Variants in FRMD5 observed in about 807,000 individuals in gnomAD.
FRMD5 encodes FERM domain-containing protein 5.
A neutral mutation model predicts 69.0 loss-of-function variants in FRMD5; 20 were observed. The ratio of observed to expected loss-of-function variants is 0.29; its 90% confidence interval spans 0.20 to 0.42. The LOEUF is 0.42. Ranked by LOEUF, FRMD5 falls within the 10% of genes least tolerant of loss-of-function variation. The pLI, the probability that FRMD5 is intolerant of heterozygous loss-of-function variation, is 1.00. For missense variants in FRMD5, 595 were observed against 708.6 expected (o/e 0.84, Z 1.82); for synonymous variants, 271 against 260.1 (o/e 1.04, Z -0.40).
chr15:43,884,193 A>C (rs1036709639), intron 12 of FRMD5, among the ~76,000 whole-genome samples: 5 of 152,172 alleles, frequency 3.3e-5, no homozygotes, highest in African/African-American at 4.8e-5. Context: ...ACAGGGCTCC[A>C]TGTGAAGGGG....
rs1018973091 is a variant in FRMD5 at position 44,133,191 on chromosome 15, C to T, written c.102+61762G>A. Among the ~76,000 whole-genome samples the T allele has an allele frequency of 2.3e-4, 33 of 142,346 alleles. 1 individual carries two copies. Among genetic ancestry groups the T allele is most frequent in the African/African-American group, 7.1e-4 (27 of 38,002 alleles). 93.4% of individuals were successfully genotyped at this position (142,346 alleles called of 152,430 possible). ...ATCGCGCCACTGCACTCCAGCCTGG[C>T]GACACTGCGAGACTCCGTCTCAAAA... On this transcript the variant is annotated intron_variant, in intron 1 of 13. Transcript: ENST00000417257.
rs1420995597 is a variant in FRMD5 at position 43,951,391 on chromosome 15, C to T, written c.103-27082G>A. On this transcript the variant is annotated intron_variant, in intron 1 of 13. Coordinates refer to ENST00000417257, the MANE Select transcript of FRMD5 (RefSeq NM_032892.5). ...GAGCCAAGATCGCGCCACTGCACTC[C>T]AGCCTGGGCCACAGGGTGAGACTCC... is the stretch of plus-strand genomic sequence containing the variant. 6.1e-5 allele frequency among the ~76,000 whole-genome samples: 9 copies of T among 147,094 alleles called. No homozygotes were observed. The South Asian group carries it at 6.4e-4, about 10-fold the overall frequency.
At chr15:44,111,944 C>T (rs890650467) in intron 1 of FRMD5, among the ~76,000 whole-genome samples, 2 of 151,572 alleles carry the variant, frequency 1.3e-5, no homozygotes, top group East Asian at 1.9e-4. Flanking sequence ...CCCGGGTTCA[C>T]GCCATTCTCC....
chr15:44,119,387 C>T (rs1190763364), intron 1 of FRMD5, among the ~76,000 whole-genome samples: 2 of 152,156 alleles, frequency 1.3e-5, no homozygotes, highest in Non-Finnish European at 2.9e-5. Flanking sequence ...CTACTGACTT[C>T]GAGACGTACA....
At chr15:44,024,525 T>C (rs1367402909) in intron 1 of FRMD5, among the ~76,000 whole-genome samples, 2 of 152,248 alleles carry the variant, frequency 1.3e-5, no homozygotes, top group Non-Finnish European at 1.5e-5. Flanking sequence ...TTTTAACTTA[T>C]ATTTCCCTAA....
At chr15:44,182,940 C>T (rs966265239) in intron 1 of FRMD5, among the ~76,000 whole-genome samples, 1 of 151,880 alleles carries the variant, frequency 6.6e-6, no homozygotes, top group African/African-American at 2.4e-5. Flanking sequence ...GGACTACAGG[C>T]GCCTGCCACC....
upstream of FRMD5, among the ~76,000 whole-genome samples, chr15:44,195,404 G>T (rs887781804): frequency 2.0e-5 from 3 of 152,204 alleles, no homozygotes; most frequent in Non-Finnish European, 4.4e-5. Flanking sequence ...CTGGGATGAT[G>T]GGCGGGATAA....
At chr15:43,908,977 C>T (rs1366170636) in intron 5 of FRMD5, among the ~76,000 whole-genome samples, 2 of 152,130 alleles carry the variant, frequency 1.3e-5, no homozygotes, top group African/African-American at 2.4e-5. Flanking sequence ...ACTTTATCAA[C>T]CAGGGGCCCA....
chr15:43,939,307 T>C (rs2089821222), intron 1 of FRMD5, among the ~76,000 whole-genome samples: 1 of 152,164 alleles, frequency 6.6e-6, no homozygotes, highest in Non-Finnish European at 1.5e-5. Flanking sequence ...TGAAAGGTTA[T>C]ATACAACCTC....
chr15:44,188,063 A>T (rs987255475), intron 1 of FRMD5, among the ~76,000 whole-genome samples: 3 of 152,192 alleles, frequency 2.0e-5, no homozygotes, highest in Non-Finnish European at 2.9e-5. Flanking sequence ...CCTAAGTTGT[A>T]AGCCCTTCGA....
chr15:44,050,651 C>G (rs1892621912), intron 1 of FRMD5, among the ~76,000 whole-genome samples: 2 of 83,260 alleles, frequency 2.4e-5, no homozygotes, highest in African/African-American at 6.8e-5. Context: ...GTGAGGCACA[C>G]TGGCCTTTTT....
intron 1 of FRMD5, among the ~76,000 whole-genome samples, chr15:44,177,281 T>C (rs977290944): frequency 2.6e-5 from 4 of 152,184 alleles, no homozygotes; most frequent in Admixed American, 1.3e-4. Context: ...ACATAAATGT[T>C]CATAGCATTA....
At chr15:44,096,604 T>C (rs149054531) in intron 1 of FRMD5, among the ~76,000 whole-genome samples, 1 of 152,058 alleles carries the variant, frequency 6.6e-6, no homozygotes, top group Non-Finnish European at 1.5e-5. Flanking sequence ...GGTTTCACCG[T>C]GTTGGCCAGG....
At chr15:44,118,506 C>T (rs1180702286) in intron 1 of FRMD5, among the ~76,000 whole-genome samples, 1 of 152,146 alleles carries the variant, frequency 6.6e-6, no homozygotes, top group Non-Finnish European at 1.5e-5. Context: ...ATCATTTTGC[C>T]TCTATATTCA....
chr15:44,002,210 G>T (rs948522506), intron 1 of FRMD5, among the ~76,000 whole-genome samples: 2 of 152,140 alleles, frequency 1.3e-5, no homozygotes, highest in Non-Finnish European at 2.9e-5. Flanking sequence ...TTTTAGTGGA[G>T]AGTGGCATTT....
chr15:44,066,478 AT>A (rs1595687858), intron 1 of FRMD5, among the ~76,000 whole-genome samples: 1 of 152,186 alleles, frequency 6.6e-6, no homozygotes, highest in East Asian at 1.9e-4. Flanking sequence ...TTTACACAGA[AT>A]TTCCATAGGA....
At chr15:44,038,757 G>T (rs2140307002) in intron 1 of FRMD5, among the ~76,000 whole-genome samples, 1 of 151,976 alleles carries the variant, frequency 6.6e-6, no homozygotes, top group South Asian at 2.1e-4. Flanking sequence ...AGGGGTCAGG[G>T]GATTTCCCAT....
intron 1 of FRMD5, among the ~76,000 whole-genome samples, chr15:44,069,690 T>C (rs1000986011): frequency 2.0e-5 from 3 of 151,938 alleles, no homozygotes; most frequent in African/African-American, 7.3e-5. Flanking sequence ...TAAAAGGCAA[T>C]AGGAGGGATC....
At chr15:43,987,171 G>A (rs76222615) in intron 1 of FRMD5, among the ~76,000 whole-genome samples, 2 of 152,002 alleles carry the variant, frequency 1.3e-5, no homozygotes, top group South Asian at 2.1e-4. Flanking sequence ...ACCCTACTAC[G>A]GCCTCTAAGT....
Sources: gnomAD v4.1 joint callset for allele counts (sites outside exome capture counted in the v4.1 genomes callset) on GRCh38, gnomAD v4.1.1 for gene constraint, MANE v1.5 for transcripts, NCBI Gene and HGNC (gene_info 2026-07-23, HGNC 2026-07-21) for gene names.